The following CYTH1 variants were observed in gnomAD, a reference collection of about 807,000 sequenced individuals.
The protein encoded by CYTH1 is cytohesin-1.
A neutral mutation model predicts 61.8 loss-of-function variants in CYTH1; 18 were observed. The ratio of observed to expected loss-of-function variants is 0.29; its 90% CI spans 0.20 to 0.43. The LOEUF (loss-of-function observed/expected upper bound fraction) is 0.43. CYTH1 is among the 20% of genes least tolerant of loss of function. The pLI, the probability that CYTH1 is intolerant of heterozygous loss-of-function variation, is 1.00. For synonymous variants in CYTH1, 174 were observed against 184.3 expected (o/e 0.94, Z 0.45); for missense variants, 336 against 510.5 (o/e 0.66, Z 3.29).
intron 1 of CYTH1, among the ~76,000 whole-genome samples, chr17:78,754,488 T>C (rs2093393238): frequency 6.6e-6 from 1 of 151,976 alleles, no homozygotes; most frequent in Non-Finnish European, 1.5e-5. Context: ...GGACCACAGG[T>C]GTGCACCAAC....
chr17:78,778,655 A>AAAG (rs1232172072), intron 1 of CYTH1, among the ~76,000 whole-genome samples: 1 of 151,412 alleles, frequency 6.6e-6, no homozygotes, highest in African/African-American at 2.4e-5. Context: ...AAAAAAAAAA[A>AAAG]AAAAAAGAAA....
intron 1 of CYTH1, among the ~76,000 whole-genome samples, chr17:78,774,926 T>A: frequency 6.6e-6 from 1 of 152,216 alleles, no homozygotes; most frequent in East Asian, 1.9e-4. Context: ...TCTTTTCTTA[T>A]CAAACCCCCG....
In CYTH1 at chr17:78,692,805, GC is replaced by G. The variant is rs138542890; in HGVS notation, c.815-313del. ...CAATAATGACATACAATGCAAATTT[GC>G]CAGAGTCAGCAAAAAGCCTATGTGG... On this transcript the variant is annotated intron_variant, in intron 10 of 13. Coordinates refer to ENST00000446868, the MANE Select transcript of CYTH1 (RefSeq NM_004762.6). Among the ~76,000 whole-genome samples the G allele has an allele frequency of 6.0e-3, 907 of 152,122 alleles. 47 individuals carry two copies. In the East Asian group the frequency reaches 0.12, roughly 20 times the overall value.
At position 78,707,126 on chromosome 17, in the gene CYTH1, G is replaced by C. The variant is rs191971297; in HGVS notation, c.170+1071C>G. ...GGAAACTAATCCAAAATACCAAATG[G>C]ACAATACAGAGACTGGCCGTGGTGA... On this transcript the variant is annotated intron_variant, in intron 3 of 13. Transcript: ENST00000446868. 2.9e-3 allele frequency among the ~76,000 whole-genome samples: 443 copies of C among 152,244 alleles called. 10 individuals carry two copies. The highest frequency in any genetic ancestry group is 6.0e-4 in the Non-Finnish European group (41 of 68,016).
At chr17:78,732,647 C>T (rs1000719772) in intron 1 of CYTH1, among the ~76,000 whole-genome samples, 10 of 152,100 alleles carry the variant, frequency 6.6e-5, no homozygotes, top group African/African-American at 2.4e-4. Flanking sequence ...TCTGATTCTG[C>T]AAAATACAAA....
At chr17:78,746,173 TG>T (rs879513282) in intron 1 of CYTH1, among the ~76,000 whole-genome samples, 1 of 152,122 alleles carries the variant, frequency 6.6e-6, no homozygotes, top group Non-Finnish European at 1.5e-5. Flanking sequence ...ATGGGTGCTA[TG>T]GGGAAAAGAG....
At chr17:78,715,501 G>T (rs754300285) in intron 1 of CYTH1, among the ~76,000 whole-genome samples, 4 of 152,144 alleles carry the variant, frequency 2.6e-5, no homozygotes, top group Non-Finnish European at 4.4e-5. Context: ...GTCAGAGCAG[G>T]AAGCCAAAGG....
intron 11 of CYTH1, among the ~76,000 whole-genome samples, chr17:78,690,326 G>A (rs564762009): frequency 9.2e-5 from 13 of 141,278 alleles, no homozygotes; most frequent in Admixed American, 2.2e-4. Flanking sequence ...CCCGGGAGGC[G>A]GAGCTTGCAG....
At chr17:78,769,809 G>A (rs2093463347) in intron 1 of CYTH1, among the ~76,000 whole-genome samples, 1 of 152,178 alleles carries the variant, frequency 6.6e-6, no homozygotes, top group South Asian at 2.1e-4. Flanking sequence ...CTGAGGTTCG[G>A]AGTTCTAAAC....
chr17:78,708,193 T>C lies in CYTH1; in HGVS notation c.170+4A>G. On this transcript the variant is annotated splice_donor_region_variant and intron_variant, in intron 3 of 13. Transcript: ENST00000446868. ...GAAGCCACCTGGCAGCAGGGCAGAC[T>C]CACCTTTCCTCTGTGGATCCCAGGT... The C allele has an allele frequency of 6.2e-7, 1 of 1,614,028 alleles. No homozygotes were observed. Among genetic ancestry groups the C allele is most frequent in the Non-Finnish European group, 8.5e-7 (1 of 1,179,956 alleles).
intron 1 of CYTH1, among the ~76,000 whole-genome samples, chr17:78,747,287 A>C (rs180693247): frequency 6.6e-6 from 1 of 152,206 alleles, no homozygotes; most frequent in East Asian, 1.9e-4. Context: ...GCACAGGTAT[A>C]CTAACGAGGG....
chr17:78,703,837 T>C (rs574562094), intron 3 of CYTH1, among the ~76,000 whole-genome samples: 1 of 152,360 alleles, frequency 6.6e-6, no homozygotes. Flanking sequence ...CACCAGATGA[T>C]GGACACTTAG....
At chr17:78,686,926 C>T (rs1026474572) in intron 11 of CYTH1, among the ~76,000 whole-genome samples, 1 of 152,032 alleles carries the variant, frequency 6.6e-6, no homozygotes, top group African/African-American at 2.4e-5. Flanking sequence ...GGATTACAGG[C>T]ATGTGCCACC....
At chr17:78,773,352 A>G (rs7217916) in intron 1 of CYTH1, among the ~76,000 whole-genome samples, 88,573 of 151,944 alleles carry the variant, frequency 0.58, 26,077 homozygotes, top group Non-Finnish European at 0.62. Flanking sequence ...TCTACTGGCC[A>G]GGAGCGGTGG....
chr17:78,736,246 C>T (rs1437448349), intron 1 of CYTH1, among the ~76,000 whole-genome samples: 2 of 152,054 alleles, frequency 1.3e-5, no homozygotes, highest in East Asian at 1.9e-4. Context: ...GAAGTTCTGA[C>T]CAACTGTTAT....
chr17:78,675,397 T>G lies in CYTH1; in HGVS notation c.*694A>C, dbSNP rs1400973469. ...GCCAGGGCAGGCCCCCGACTCTGACTGTGCCGTCTGAGGCTCCACTGGGCC... is the reference window on the plus strand; with the variant it reads ...GCCAGGGCAGGCCCCCGACTCTGACGGTGCCGTCTGAGGCTCCACTGGGCC... On this transcript the variant is annotated 3_prime_UTR_variant, in exon 14 of 14. Coordinates refer to ENST00000446868, the MANE Select transcript of CYTH1 (RefSeq NM_004762.6). 6.6e-6 allele frequency: 1 copy of G among 152,358 alleles called. No individual in the cohort carries two copies. Among genetic ancestry groups the G allele is most frequent in the African/African-American group, 2.4e-5 (1 of 41,452 alleles). The allele number at this position is 152,358 out of a possible 1,614,324, so 9.4% of individuals were successfully genotyped here. A position where few individuals can be genotyped will look rare whatever the true frequency, so the allele number is the denominator to read the frequency against.
intron 1 of CYTH1, among the ~76,000 whole-genome samples, chr17:78,731,673 G>A (rs559287584): frequency 1.3e-3 from 198 of 151,286 alleles, no homozygotes; most frequent in African/African-American, 4.7e-3. Context: ...CAGGAGAATG[G>A]CGTGAACCCG....
At chr17:78,727,553 C>A in intron 1 of CYTH1, 1 of 383,106 alleles carries the variant, frequency 2.6e-6, no homozygotes, top group Non-Finnish European at 5.6e-6. Flanking sequence ...TGCCCCGAGT[C>A]CGGGTTTGCA....
chr17:78,780,832 C>A (rs1598936582), intron 1 of CYTH1, among the ~76,000 whole-genome samples: 1 of 152,188 alleles, frequency 6.6e-6, no homozygotes, highest in East Asian at 1.9e-4. Flanking sequence ...CATGGCAAAA[C>A]CCTGTCTCTA....
Sources: allele counts gnomAD v4.1 joint callset (sites outside exome capture counted in the v4.1 genomes callset), GRCh38; gene constraint gnomAD v4.1.1; transcripts MANE v1.5; gene names NCBI Gene and HGNC (gene_info 2026-07-23, HGNC 2026-07-21).